FBXL4: variants seen among roughly 807,000 people sequenced by gnomAD.
FBXL4 encodes F-box/LRR-repeat protein 4.
A neutral mutation model predicts 58.9 loss-of-function variants in FBXL4; 40 were observed. That is an observed-to-expected ratio of 0.68 (90% CI 0.53 to 0.88). The LOEUF (loss-of-function observed/expected upper bound fraction) is 0.88, where lower values mean the gene tolerates loss of function less well. Among genes scored for constraint, FBXL4 ranks in the 40% least tolerant of loss-of-function variants. The probability of loss-of-function intolerance (pLI) is 0.00; values close to 1 mark genes in which losing one functional copy is unlikely to be tolerated. For synonymous variants in FBXL4, 263 were observed against 265.5 expected (o/e 0.99, Z 0.09); for missense variants, 676 against 734.4 (o/e 0.92, Z 0.92).
At chr6:98,892,115 A>G (rs755365912) in intron 7 of FBXL4, among the ~76,000 whole-genome samples, 8 of 152,230 alleles carry the variant, frequency 5.3e-5, no homozygotes, top group Non-Finnish European at 7.3e-5. Flanking sequence ...GGACTCTAAG[A>G]AAGTTTGTTA....
At chr6:98,945,159 T>C (rs1773574817) in intron 1 of FBXL4, among the ~76,000 whole-genome samples, 1 of 152,168 alleles carries the variant, frequency 6.6e-6, no homozygotes. Context: ...ATTCCATATC[T>C]TAGGAAATGA....
intron 4 of FBXL4, among the ~76,000 whole-genome samples, chr6:98,924,332 G>A (rs1003867845): frequency 2.0e-5 from 3 of 152,120 alleles, no homozygotes; most frequent in African/African-American, 4.8e-5. Flanking sequence ...CGAGGCAGGC[G>A]GATCACCTGA....
At chr6:98,874,672 T>C (rs1770590333) in intron 9 of FBXL4, among the ~76,000 whole-genome samples, 1 of 152,208 alleles carries the variant, frequency 6.6e-6, no homozygotes, top group African/African-American at 2.4e-5. Context: ...ATCTTGCCAA[T>C]ATCCTACCCA....
intron 4 of FBXL4, among the ~76,000 whole-genome samples, chr6:98,925,328 A>G (rs1772737301): frequency 6.6e-6 from 1 of 152,360 alleles, no homozygotes; most frequent in African/African-American, 2.4e-5. Context: ...GACTCTTTGG[A>G]GAGAAATTTG....
At chr6:98,884,460 A>C (rs972548182) in intron 7 of FBXL4, among the ~76,000 whole-genome samples, 7 of 152,156 alleles carry the variant, frequency 4.6e-5, no homozygotes, top group African/African-American at 1.7e-4. Context: ...ATCTAGAACG[A>C]AAGTTTAGCT....
intron 1 of FBXL4, among the ~76,000 whole-genome samples, chr6:98,944,489 C>T (rs1221266474): frequency 1.3e-5 from 2 of 152,104 alleles, no homozygotes; most frequent in African/African-American, 4.8e-5. Context: ...AAATGCAATA[C>T]TAAAACAATA....
chr6:98,909,712 C>T (rs906707428), intron 5 of FBXL4, among the ~76,000 whole-genome samples: 6 of 152,186 alleles, frequency 3.9e-5, no homozygotes, highest in African/African-American at 1.4e-4. Context: ...AGGAGCAACA[C>T]TGTCAGTATC....
chr6:98,946,950 TGAACTTAA>T, intron 1 of FBXL4, among the ~76,000 whole-genome samples: 1 of 152,138 alleles, frequency 6.6e-6, no homozygotes, highest in Admixed American at 6.5e-5. Flanking sequence ...TACCTATAGC[TGAACTTAA>T]GAAACCAAGG....
chr6:98,936,982 T>C (rs183824539), intron 1 of FBXL4, among the ~76,000 whole-genome samples: 111 of 152,290 alleles, frequency 7.3e-4, no homozygotes, highest in African/African-American at 2.5e-3. Context: ...GAACAATGTA[T>C]GGGATTGGGG....
rs571652280 is a variant in FBXL4 at position 98,905,038 on chromosome 6, T to C, written c.1103+388A>G. Among the ~76,000 whole-genome samples, 21 of 152,352 alleles carry C rather than the reference T, an allele frequency of 1.4e-4. No individual in the cohort carries two copies. The South Asian group carries it at 3.1e-3, about 23-fold the overall frequency. ...TTAAGATTTAATTAAAAATGTTCTATAATAAATTGTTTTCCATTTCTGACA... is the reference window on the plus strand; with the variant it reads ...TTAAGATTTAATTAAAAATGTTCTACAATAAATTGTTTTCCATTTCTGACA... On this transcript the variant is annotated intron_variant, in intron 6 of 9. Transcript: ENST00000369244.
At chr6:98,902,237 A>G (rs1392966770) in intron 6 of FBXL4, among the ~76,000 whole-genome samples, 1 of 152,108 alleles carries the variant, frequency 6.6e-6, no homozygotes, top group Admixed American at 6.5e-5. Flanking sequence ...TTTTTAGCTG[A>G]CCCTCACCGA....
At chr6:98,917,334 G>A in intron 5 of FBXL4, 40 bp downstream of exon 5, 2 of 1,318,274 alleles carry the variant, frequency 1.5e-6, no homozygotes, top group Non-Finnish European at 2.1e-6. Flanking sequence ...AAAATCTATA[G>A]TGTTATATCC....
rs935766910 is a variant in FBXL4, at chr6:98,929,444, G to A, written c.-190-1622C>T. On this transcript the variant is annotated intron_variant, in intron 2 of 9. Coordinates refer to ENST00000369244, the MANE Select transcript of FBXL4 (RefSeq NM_001278716.2). ...AAATTAGCCAGGCATGGTGGCACATGACTGTAATCCCAGCTACTCGGGAGA... is the reference window on the plus strand; with the variant it reads ...AAATTAGCCAGGCATGGTGGCACATAACTGTAATCCCAGCTACTCGGGAGA... Among the ~76,000 whole-genome samples, 4 of 151,958 alleles carry A rather than the reference G, an allele frequency of 2.6e-5. No homozygotes were observed. The East Asian group carries it at 5.8e-4, about 22-fold the overall frequency.
chr6:98,906,821 C>T (rs906021411), intron 5 of FBXL4, among the ~76,000 whole-genome samples: 68 of 152,184 alleles, frequency 4.5e-4, no homozygotes, highest in African/African-American at 1.6e-3. Flanking sequence ...TCCACATTCT[C>T]TCCAGCATCT....
chr6:98,870,381 A>C lies in FBXL4; in HGVS notation c.*3897T>G, dbSNP rs1770460220. The C allele has an allele frequency of 6.6e-6, 1 of 152,214 alleles. No individual in the cohort carries two copies. 9.4% of individuals were successfully genotyped at this position (152,214 alleles called of 1,614,324 possible). On this transcript the variant is annotated 3_prime_UTR_variant, in exon 10 of 10. Transcript: ENST00000369244. ...ACAGTAGTATTTTGTAACACATCAA[A>C]ATTATGTAAAATTCAACTTTCAGTG...
At chr6:98,932,522 G>A (rs899837970) in intron 2 of FBXL4, among the ~76,000 whole-genome samples, 1 of 152,190 alleles carries the variant, frequency 6.6e-6, no homozygotes, top group Non-Finnish European at 1.5e-5. Context: ...GTATAGACAA[G>A]GGAGAACATA....
intron 9 of FBXL4, chr6:98,875,128 C>T: frequency 2.7e-6 from 1 of 370,934 alleles, no homozygotes; most frequent in Non-Finnish European, 4.9e-6. Flanking sequence ...GAGAGCGCAG[C>T]TCATGTAAAT....
At chr6:98,935,561 G>T (rs1349151057) in intron 1 of FBXL4, among the ~76,000 whole-genome samples, 1 of 151,094 alleles carries the variant, frequency 6.6e-6, no homozygotes, top group South Asian at 2.1e-4. Flanking sequence ...AGGCCGAGGC[G>T]GGTGGATCAT....
At chr6:98,934,098 G>C (rs1203732444) in intron 2 of FBXL4, among the ~76,000 whole-genome samples, 1 of 152,084 alleles carries the variant, frequency 6.6e-6, no homozygotes, top group African/African-American at 2.4e-5. Flanking sequence ...TCTTGACTCT[G>C]GTCACAAAGA....
Sources: gnomAD v4.1 joint callset for allele counts (sites outside exome capture counted in the v4.1 genomes callset) on GRCh38, gnomAD v4.1.1 for gene constraint, MANE v1.5 for transcripts, NCBI Gene and HGNC (gene_info 2026-07-23, HGNC 2026-07-21) for gene names.